Variants in RGMA observed in about 807,000 individuals in gnomAD.
RGMA encodes the protein repulsive guidance molecule A.
RGMA carries 10 observed loss-of-function variants against 23.2 expected under a neutral mutation model. The ratio of observed to expected loss-of-function variants is 0.43; its 90% confidence interval spans 0.27 to 0.73. The LOEUF is 0.73. RGMA is among the 30% of genes least tolerant of loss of function. The pLI, the probability that RGMA is intolerant of heterozygous loss-of-function variation, is 0.20. For missense variants in RGMA, 547 were observed against 630.5 expected, an observed-to-expected ratio of 0.87 and a Z score of 1.42; for synonymous variants, 308 against 279.3, an observed-to-expected ratio of 1.10 and a Z score of -1.03.
rs913794569 is a variant in RGMA, at chr15:93,041,091, C to T, written c.*3907G>A. 6.6e-6 allele frequency: 1 copy of T among 152,356 alleles called. No homozygotes were observed. Among genetic ancestry groups the T allele is most frequent in the African/African-American group, 2.4e-5 (1 of 41,446 alleles). 9.4% of individuals were successfully genotyped at this position (152,356 alleles called of 1,614,324 possible). A position where few individuals can be genotyped will look rare whatever the true frequency, so the allele number is the denominator to read the frequency against. ...CTGGCACAGCTCTGATGACTGTCTC[C>T]TGCCTGGCTCTGACGGGTCTCTGCC... On this transcript the variant is annotated 3_prime_UTR_variant, in exon 4 of 4. Transcript: ENST00000329082.
At chr15:93,060,202 G>A (rs987901387) in intron 2 of RGMA, among the ~76,000 whole-genome samples, 1 of 152,152 alleles carries the variant, frequency 6.6e-6, no homozygotes, top group Non-Finnish European at 1.5e-5. Flanking sequence ...CTTGGGCAGG[G>A]GCCACCCTCC....
rs897728726 is a variant in RGMA, at chr15:93,088,624, C to T, written c.14+295G>A. ...GCGAGCCGGGCTGAGGGAAGGAGCTCCCAGCCCGCACACGGTGTAAGGGAC... is the reference window on the plus strand; with the variant it reads ...GCGAGCCGGGCTGAGGGAAGGAGCTTCCAGCCCGCACACGGTGTAAGGGAC... On this transcript the variant is annotated intron_variant, in intron 1 of 3. Coordinates refer to ENST00000329082, the MANE Select transcript of RGMA (RefSeq NM_020211.3). 22 of 1,033,326 alleles carry T rather than the reference C, an allele frequency of 2.1e-5. No homozygotes were observed. The African/African-American group carries it at 3.7e-4, about 17-fold the overall frequency. 64.0% of individuals were successfully genotyped at this position (1,033,326 alleles called of 1,614,324 possible). A position where few individuals can be genotyped will look rare whatever the true frequency, so the allele number is the denominator to read the frequency against.
At chr15:93,081,020 T>C (rs978220684) in intron 1 of RGMA, among the ~76,000 whole-genome samples, 2 of 152,266 alleles carry the variant, frequency 1.3e-5, no homozygotes, top group African/African-American at 4.8e-5. Flanking sequence ...ATAGTATTTA[T>C]GAATTGCTTA....
intron 2 of RGMA, among the ~76,000 whole-genome samples, chr15:93,069,856 A>G (rs1450531027): frequency 6.6e-6 from 1 of 152,244 alleles, no homozygotes; most frequent in Admixed American, 6.5e-5. Flanking sequence ...CATGTCCGAA[A>G]CATATGCCTG....
At position 93,052,629 on chromosome 15, in the gene RGMA, A is replaced by C. The variant is rs2054946666; in HGVS notation, c.131-122T>G. ...CATCTAGGGCAGAGCCACCCATGCC[A>C]CACACAGATGGTGAAAAATTTCCTG... On this transcript the variant is annotated intron_variant, in intron 2 of 3. Transcript: ENST00000329082. 5.6e-6 allele frequency: 6 copies of C among 1,080,866 alleles called. No homozygotes were observed. In the East Asian group the frequency reaches 1.3e-4, roughly 24 times the overall value. 67.0% of individuals were successfully genotyped at this position (1,080,866 alleles called of 1,614,324 possible). A position where few individuals can be genotyped will look rare whatever the true frequency, so the allele number is the denominator to read the frequency against.
intron 2 of RGMA, among the ~76,000 whole-genome samples, chr15:93,063,831 T>C (rs2141828606): frequency 6.6e-6 from 1 of 152,230 alleles, no homozygotes; most frequent in Admixed American, 6.5e-5. Flanking sequence ...CTCAGTTGAC[T>C]GTGGAGGTGG....
rs1163033613 is a variant in RGMA, at chr15:93,043,201, C to T, written c.*1797G>A. 6.9e-6 allele frequency: 1 copy of T among 144,580 alleles called. No homozygotes were observed. The highest frequency in any genetic ancestry group is 1.9e-4 in the East Asian group (1 of 5,180). 9.0% of individuals were successfully genotyped at this position (144,580 alleles called of 1,614,324 possible). A position where few individuals can be genotyped will look rare whatever the true frequency, so the allele number is the denominator to read the frequency against. ...ACATGCCTACATGCACACACATAGG[C>T]ATGGGCGCACACACAGGCATGCGCA... On this transcript the variant is annotated 3_prime_UTR_variant, in exon 4 of 4. Coordinates refer to ENST00000329082, the MANE Select transcript of RGMA (RefSeq NM_020211.3).
chr15:93,066,400 C>T (rs1005152583), intron 2 of RGMA: 8 of 596,080 alleles, frequency 1.3e-5, no homozygotes, highest in South Asian at 5.8e-5. Flanking sequence ...GTGGGGGAAA[C>T]GGGGGGCGGG....
At chr15:93,076,255 C>T (rs1895471515) in intron 1 of RGMA, among the ~76,000 whole-genome samples, 1 of 152,070 alleles carries the variant, frequency 6.6e-6, no homozygotes, top group Admixed American at 6.5e-5. Flanking sequence ...GAGCATCCCC[C>T]TCCACCTTCT....
intron 3 of RGMA, among the ~76,000 whole-genome samples, chr15:93,046,539 T>C (rs189113414): frequency 2.0e-5 from 3 of 152,278 alleles, no homozygotes; most frequent in African/African-American, 7.2e-5. Context: ...TCATCTTGCA[T>C]AATGACAGTG....
intron 1 of RGMA, 32 bp from the exon 2 acceptor site, chr15:93,073,063 A>T (rs772464794): frequency 6.5e-7 from 1 of 1,527,244 alleles, no homozygotes. Context: ...AAAGAAGAAA[A>T]TAAATCACGC....
At chr15:93,084,720 G>A (rs569218359) in intron 1 of RGMA, among the ~76,000 whole-genome samples, 9 of 152,106 alleles carry the variant, frequency 5.9e-5, no homozygotes, top group Non-Finnish European at 1.0e-4. Flanking sequence ...TGATCTGCCC[G>A]CCTTGGCCTC....
In RGMA at chr15:93,035,371, G is replaced by C. The variant is rs969359978; in HGVS notation, c.*9627C>G. The C allele has an allele frequency of 5.9e-5, 9 of 152,348 alleles. No individual in the cohort carries two copies. Among genetic ancestry groups the C allele is most frequent in the Non-Finnish European group, 1.0e-4 (7 of 68,142 alleles). 9.4% of individuals were successfully genotyped at this position (152,348 alleles called of 1,614,324 possible). Reference sequence around the variant, plus strand: ...GTTGGACAGGGACCGCTGCAGCTGGGAAGAGAGATTGGGGTCCCCTCTGAA... The same window carrying C: ...GTTGGACAGGGACCGCTGCAGCTGGCAAGAGAGATTGGGGTCCCCTCTGAA... On this transcript the variant is annotated 3_prime_UTR_variant, in exon 4 of 4. Coordinates refer to ENST00000329082, the MANE Select transcript of RGMA (RefSeq NM_020211.3).
intron 2 of RGMA, among the ~76,000 whole-genome samples, chr15:93,070,482 G>C (rs1895287840): frequency 6.6e-6 from 1 of 152,172 alleles, no homozygotes; most frequent in Non-Finnish European, 1.5e-5. Context: ...CTCTCCATCA[G>C]ACCTGCAAGT....
chr15:93,045,559 CT>C lies in RGMA; in HGVS notation c.791del (p.Lys264ArgfsTer27). On this transcript the variant is annotated frameshift_variant, in exon 4 of 4. Coordinates refer to ENST00000329082, the MANE Select transcript of RGMA (RefSeq NM_020211.3). LOFTEE classifies it low-confidence loss of function (END_TRUNC). The surrounding 1 kb of genome is among the most constrained non-coding windows in gnomAD (Gnocchi z 6.9). ...HGANSLKITE[K>X]VSGQHVEIQA... Reference sequence around the variant, plus strand: ...GGATCTCCACGTGCTGGCCTGACACCTTCTCAGTGATCTTCAGGCTGTTGGC... The same window carrying C: ...GGATCTCCACGTGCTGGCCTGACACCTCTCAGTGATCTTCAGGCTGTTGGC... 1 of 1,613,354 alleles carries C rather than the reference CT, an allele frequency of 6.2e-7. No individual in the cohort carries two copies. The highest frequency in any genetic ancestry group is 8.5e-7 in the Non-Finnish European group (1 of 1,179,894).
At chr15:93,073,647 G>A (rs1596104623) in intron 1 of RGMA, 1 of 1,537,020 alleles carries the variant, frequency 6.5e-7, no homozygotes, top group African/African-American at 1.4e-5. Flanking sequence ...CGGTGCAGGA[G>A]GCTGAAAAAC....
At position 93,052,381 on chromosome 15, in the gene RGMA, G is replaced by A. The variant is rs770314854; in HGVS notation, c.257C>T (p.Thr86Met). ...CCGGCAGGTGCGGGCCGTCCGCCGC[G>A]TGCACAGGGCGTAGCTGCGCAAGGC... is the stretch of plus-strand genomic sequence containing the variant. ...CAALRSYALC[T>M]RRTARTCRGD... The change falls in exon 3 of 4, where the codon ACG (threonine) becomes ATG (methionine). Residue 86 changes from threonine (T) to methionine (M), a missense_variant. By Grantham distance (81) the Thr-to-Met change is moderately conservative. Around this residue, in one of 3 missense-constraint regions of RGMA, gnomAD observed 214 missense variants for 234.7 expected, o/e 0.91. Transcript: ENST00000329082. The A allele has an allele frequency of 1.2e-6, 2 of 1,600,202 alleles. No individual in the cohort carries two copies. Among genetic ancestry groups the A allele is most frequent in the South Asian group, 1.1e-5 (1 of 90,974 alleles).
chr15:93,087,352 C>T (rs1015817965), intron 1 of RGMA, among the ~76,000 whole-genome samples: 4 of 151,124 alleles, frequency 2.6e-5, no homozygotes, highest in African/African-American at 7.3e-5. Flanking sequence ...GTCTGCAGAA[C>T]TTGCCATCCA....
Position 93,052,377 on chromosome 15 carries a change from C to T in RGMA, c.261G>A (p.Arg87=), listed in dbSNP as rs567612979. The T allele has an allele frequency of 3.4e-4, 548 of 1,600,224 alleles. 8 individuals are homozygous for T. The South Asian group carries it at 5.7e-3, about 17-fold the overall frequency. The change falls in exon 3 of 4, where the codon CGG becomes CGA. Residue 87 remains arginine (R), a synonymous_variant. Coordinates refer to ENST00000329082, the MANE Select transcript of RGMA (RefSeq NM_020211.3). Reference sequence around the variant, plus strand: ...CACCCCGGCAGGTGCGGGCCGTCCGCCGCGTGCACAGGGCGTAGCTGCGCA... The same window carrying T: ...CACCCCGGCAGGTGCGGGCCGTCCGTCGCGTGCACAGGGCGTAGCTGCGCA... The part of the protein sequence containing the change: ...AALRSYALCT[R]RTARTCRGDL...
Sources: gnomAD v4.1 joint callset for allele counts (sites outside exome capture counted in the v4.1 genomes callset) on GRCh38, gnomAD v4.1.1 for gene constraint, gnomAD v4.1.1 regional missense constraint, Gnocchi (gnomAD v3.1) non-coding constraint, MANE v1.5 for transcripts, NCBI Gene and HGNC (gene_info 2026-07-23, HGNC 2026-07-21) for gene names.